NLGN4X: variants seen among roughly 807,000 people sequenced by gnomAD.
NLGN4X encodes the protein neuroligin 4 X-linked, also known as neuroligin-4, X-linked.
A neutral mutation model predicts 40.3 loss-of-function variants in NLGN4X; 3 were observed. That is an observed-to-expected ratio of 0.07 (90% CI 0.03 to 0.19). The LOEUF is 0.19. NLGN4X is among the 10% of genes least tolerant of loss of function. The pLI, the probability that NLGN4X is intolerant of heterozygous loss-of-function variation, is 1.00. For missense variants in NLGN4X, 382 were observed against 708.3 expected, an observed-to-expected ratio of 0.54 and a Z score of 5.23; for synonymous variants, 270 against 306.8, an observed-to-expected ratio of 0.88 and a Z score of 1.25.
chrX:5,962,354 C>G (rs1265642684), intron 3 of NLGN4X, among the ~76,000 whole-genome samples: 6 of 111,523 alleles, frequency 5.4e-5, no homozygotes, highest in Non-Finnish European at 5.6e-5. Context: ...CTTTAAGACT[C>G]AAGACAACAA....
chrX:5,992,141 G>A (rs1055501017), intron 3 of NLGN4X, among the ~76,000 whole-genome samples: 2 of 111,668 alleles, frequency 1.8e-5, no homozygotes, highest in Admixed American at 1.9e-4. Flanking sequence ...CTTTAGAGTT[G>A]GACCTAATGA....
chrX:6,133,849 A>G (rs1409717116), intron 2 of NLGN4X, among the ~76,000 whole-genome samples: 1 of 111,987 alleles, frequency 8.9e-6, no homozygotes, highest in African/African-American at 3.2e-5. Flanking sequence ...GGGGTCAGAA[A>G]ACTTTTTAAA....
intron 2 of NLGN4X, among the ~76,000 whole-genome samples, chrX:6,140,588 C>A (rs2039928187): frequency 9.1e-6 from 1 of 109,820 alleles, no homozygotes; most frequent in South Asian, 4.0e-4. Flanking sequence ...TCTTTTATTT[C>A]TTTTTTAGAT....
intron 2 of NLGN4X, among the ~76,000 whole-genome samples, chrX:6,067,512 G>A: frequency 1.8e-5 from 2 of 111,192 alleles, no homozygotes; most frequent in Non-Finnish European, 3.8e-5. Context: ...TATCGTAGTT[G>A]GGCTGAGCTC....
chrX:5,956,371 T>A (rs1487549815), intron 3 of NLGN4X, among the ~76,000 whole-genome samples: 1 of 111,023 alleles, frequency 9.0e-6, no homozygotes, highest in African/African-American at 3.3e-5. Context: ...AATTATATTC[T>A]AAGACATACA....
intron 2 of NLGN4X, among the ~76,000 whole-genome samples, chrX:6,053,067 A>G (rs1424835162): frequency 1.8e-5 from 2 of 111,962 alleles, no homozygotes; most frequent in Admixed American, 1.9e-4. Flanking sequence ...GACACCCACC[A>G]TATTACATGT....
At chrX:6,101,028 C>G (rs1352903735) in intron 2 of NLGN4X, among the ~76,000 whole-genome samples, 1 of 110,008 alleles carries the variant, frequency 9.1e-6, no homozygotes, top group African/African-American at 3.3e-5. Flanking sequence ...ATCATGTCTC[C>G]CAAAGGAGTC....
At chrX:6,092,662 A>G (rs1394018082) in intron 2 of NLGN4X, among the ~76,000 whole-genome samples, 1 of 112,501 alleles carries the variant, frequency 8.9e-6, no homozygotes, top group African/African-American at 3.2e-5. Context: ...AGTTTGAAAC[A>G]GGAAACAATA....
At chrX:6,050,693 A>G (rs2037466140) in intron 2 of NLGN4X, among the ~76,000 whole-genome samples, 1 of 110,968 alleles carries the variant, frequency 9.0e-6, no homozygotes, top group African/African-American at 3.3e-5. Context: ...CTATTTATCT[A>G]TCTATTCTTA....
At chrX:6,123,144 A>T (rs2039461654) in intron 2 of NLGN4X, among the ~76,000 whole-genome samples, 3 of 111,971 alleles carry the variant, frequency 2.7e-5, no homozygotes, top group South Asian at 3.7e-4. Flanking sequence ...AAAGTAAATA[A>T]TACGTTGATT....
chrX:5,921,121 GGTAA>G (rs1041975186), intron 3 of NLGN4X, among the ~76,000 whole-genome samples: 7 of 83,782 alleles, frequency 8.4e-5, no homozygotes, highest in African/African-American at 3.0e-4. Flanking sequence ...GATCACATAT[GGTAA>G]GTATTTTTTA....
At chrX:6,059,488 G>C (rs898046838) in intron 2 of NLGN4X, among the ~76,000 whole-genome samples, 1 of 112,055 alleles carries the variant, frequency 8.9e-6, no homozygotes, top group African/African-American at 3.2e-5. Flanking sequence ...CACGGTGGCA[G>C]TTAATTATAC....
intron 2 of NLGN4X, among the ~76,000 whole-genome samples, chrX:6,113,712 C>G (rs908416967): frequency 9.8e-6 from 1 of 101,569 alleles, no homozygotes; most frequent in East Asian, 3.0e-4. Flanking sequence ...AAAAAAAATG[C>G]ACGATACACA....
chrX:6,127,223 G>T (rs72609524), intron 2 of NLGN4X, among the ~76,000 whole-genome samples: 9,867 of 111,280 alleles, frequency 0.089, 357 homozygotes, highest in East Asian at 0.18. Flanking sequence ...CTTCACATAA[G>T]GACTCCACTA....
chrX:6,018,883 T>C (rs1371098468), intron 3 of NLGN4X, among the ~76,000 whole-genome samples: 1 of 112,388 alleles, frequency 8.9e-6, no homozygotes, highest in African/African-American at 3.2e-5. Context: ...TGAAGCAATG[T>C]TGCGTTGAGC....
chrX:6,023,662 G>A (rs185406499), intron 3 of NLGN4X, among the ~76,000 whole-genome samples: 299 of 111,630 alleles, frequency 2.7e-3, no homozygotes, highest in African/African-American at 9.3e-3. Flanking sequence ...GGGAGTTTAC[G>A]AAGATTAAAT....
At chrX:6,198,561 G>T (rs1486664150) in intron 1 of NLGN4X, among the ~76,000 whole-genome samples, 1 of 111,884 alleles carries the variant, frequency 8.9e-6, no homozygotes. Context: ...TCTCCTCAGG[G>T]TCTTTCAGGG....
chrX:5,912,692 G>A (rs757599712), intron 3 of NLGN4X, among the ~76,000 whole-genome samples: 81 of 107,441 alleles, frequency 7.5e-4, no homozygotes, highest in Middle Eastern at 4.8e-3. Context: ...TTCCCAAGTC[G>A]CCTGATCTGT....
intron 1 of NLGN4X, among the ~76,000 whole-genome samples, chrX:6,203,875 T>C (rs1411529951): frequency 8.9e-6 from 1 of 112,760 alleles, no homozygotes; most frequent in Non-Finnish European, 1.9e-5. Context: ...CAGCAATAGA[T>C]AACCAATGCA....
Sources: gnomAD v4.1 joint callset for allele counts (sites outside exome capture counted in the v4.1 genomes callset) on GRCh38, gnomAD v4.1.1 for gene constraint, MANE v1.5 for transcripts, NCBI Gene and HGNC (gene_info 2026-07-23, HGNC 2026-07-21) for gene names.